TENM1: variants seen among roughly 807,000 people sequenced by gnomAD.
TENM1 encodes the protein teneurin transmembrane protein 1.
Under a neutral mutation model 174.8 loss-of-function variants are expected in TENM1, and 35 were observed. That is an observed-to-expected ratio of 0.20 (90% CI 0.15 to 0.27). TENM1 has a LOEUF of 0.27. TENM1 is among the 10% of genes least tolerant of loss of function. TENM1 has a pLI of 1.00. For synonymous variants in TENM1, 781 were observed against 798.7 expected, an observed-to-expected ratio of 0.98 and a Z score of 0.37; for missense variants, 1,633 against 2,130.1, an observed-to-expected ratio of 0.77 and a Z score of 4.59.
At chrX:124,778,842 A>C (rs1442955517) in intron 3 of TENM1, among the ~76,000 whole-genome samples, 1 of 112,316 alleles carries the variant, frequency 8.9e-6, no homozygotes, top group East Asian at 2.8e-4. Flanking sequence ...TTACTGCTTT[A>C]TTTGAACTTG....
At chrX:124,463,802 T>C (rs1247661176) in intron 22 of TENM1, among the ~76,000 whole-genome samples, 1 of 108,207 alleles carries the variant, frequency 9.2e-6, no homozygotes, top group Non-Finnish European at 1.9e-5. Flanking sequence ...CTGATAATAA[T>C]GTGATTTATT....
chrX:124,527,817 T>G (rs778586030), intron 16 of TENM1, among the ~76,000 whole-genome samples: 3 of 103,289 alleles, frequency 2.9e-5, no homozygotes, highest in Admixed American at 2.1e-4. Flanking sequence ...CCCAGCTATT[T>G]TTTTTTTTTT....
chrX:124,940,634 C>T (rs778022046), intron 1 of TENM1, among the ~76,000 whole-genome samples: 1 of 111,010 alleles, frequency 9.0e-6, no homozygotes, highest in Non-Finnish European at 1.9e-5. Context: ...TTTTTTCTGT[C>T]TCATTGTTCA....
intron 1 of TENM1, among the ~76,000 whole-genome samples, chrX:124,920,535 T>C (rs1319027205): frequency 9.0e-6 from 1 of 111,647 alleles, no homozygotes; most frequent in Non-Finnish European, 1.9e-5. Flanking sequence ...GATAAATTCC[T>C]GAAAGTCTGA....
chrX:124,865,757 C>T (rs2056989728), intron 3 of TENM1, among the ~76,000 whole-genome samples: 1 of 110,641 alleles, frequency 9.0e-6, no homozygotes, highest in Non-Finnish European at 1.9e-5. Context: ...CTGTTGCCTA[C>T]AATAAAAACA....
chrX:124,605,063 C>G (rs1211569867), intron 11 of TENM1, among the ~76,000 whole-genome samples: 1 of 106,123 alleles, frequency 9.4e-6, no homozygotes, highest in Non-Finnish European at 1.9e-5. Flanking sequence ...CAAAAAAGCC[C>G]CAAGAACAGT....
intron 21 of TENM1, among the ~76,000 whole-genome samples, chrX:124,483,043 C>T (rs1180039734): frequency 8.9e-6 from 1 of 112,004 alleles, no homozygotes; most frequent in Non-Finnish European, 1.9e-5. Flanking sequence ...TTCTATAGAT[C>T]GATATGTAGG....
the TENM1 span, among the ~76,000 whole-genome samples, chrX:124,972,113 A>G: frequency 1.8e-5 from 2 of 109,295 alleles, no homozygotes; most frequent in Non-Finnish European, 3.8e-5. Flanking sequence ...GGCTCCTGTA[A>G]TCCCAGCTAT....
intron 3 of TENM1, among the ~76,000 whole-genome samples, chrX:124,754,106 T>C (rs968852668): frequency 3.6e-5 from 4 of 111,570 alleles, no homozygotes; most frequent in Non-Finnish European, 3.8e-5. Flanking sequence ...CGGCTGTGAA[T>C]CCATCTGGTC....
At chrX:125,185,830 T>G in the TENM1 span, among the ~76,000 whole-genome samples, 5 of 112,252 alleles carry the variant, frequency 4.5e-5, no homozygotes, top group Admixed American at 9.4e-5. Context: ...AGATGAGGGT[T>G]GTGAATATAA....
chrX:124,896,311 T>G, intron 1 of TENM1, 70 bp from the exon 5 acceptor site: 1 of 1,090,724 alleles, frequency 9.2e-7, no homozygotes, highest in Admixed American at 2.5e-5. Flanking sequence ...TTCTACTTTT[T>G]GTTCTCATTC....
chrX:125,046,356 G>C, the TENM1 span, among the ~76,000 whole-genome samples: 2 of 112,313 alleles, frequency 1.8e-5, no homozygotes, highest in African/African-American at 6.5e-5. Flanking sequence ...GCTTGCCAAA[G>C]AAAGTATGTG....
chrX:125,123,595 T>G, the TENM1 span, among the ~76,000 whole-genome samples: 1 of 110,568 alleles, frequency 9.0e-6, no homozygotes, highest in Admixed American at 9.7e-5. Flanking sequence ...GGTGACAGAG[T>G]GAGACCCTGT....
At chrX:125,107,118 G>C in the TENM1 span, among the ~76,000 whole-genome samples, 1 of 111,899 alleles carries the variant, frequency 8.9e-6, no homozygotes, top group Non-Finnish European at 1.9e-5. Flanking sequence ...TGCGTGGTTG[G>C]ATATACTAAT....
the TENM1 span, among the ~76,000 whole-genome samples, chrX:125,162,934 C>T: frequency 9.0e-6 from 1 of 111,192 alleles, no homozygotes; most frequent in Non-Finnish European, 1.9e-5. Flanking sequence ...TAATAGCACC[C>T]ACACTCTCAG....
chrX:124,433,724 C>G (rs766509614), intron 23 of TENM1, among the ~76,000 whole-genome samples: 2 of 112,280 alleles, frequency 1.8e-5, no homozygotes, highest in South Asian at 7.4e-4. Flanking sequence ...AACTATTTCT[C>G]ATCAACATGT....
intron 15 of TENM1, among the ~76,000 whole-genome samples, chrX:124,545,170 C>A (rs1268410914): frequency 9.0e-6 from 1 of 111,590 alleles, no homozygotes; most frequent in Admixed American, 9.5e-5. Context: ...TGAAGGAGAC[C>A]CATCGTTCTG....
intron 23 of TENM1, among the ~76,000 whole-genome samples, chrX:124,434,242 G>A (rs1046945684): frequency 1.8e-5 from 2 of 111,421 alleles, no homozygotes; most frequent in African/African-American, 3.3e-5. Context: ...ATGCAAATGG[G>A]TCCTGAGACC....
the TENM1 span, among the ~76,000 whole-genome samples, chrX:125,176,735 T>C: frequency 8.9e-6 from 1 of 111,852 alleles, no homozygotes; most frequent in Non-Finnish European, 1.9e-5. Flanking sequence ...AATGACAAAA[T>C]GACTTACAAA....
Sources: allele counts gnomAD v4.1 joint callset (sites outside exome capture counted in the v4.1 genomes callset), GRCh38; gene constraint gnomAD v4.1.1; transcripts MANE v1.5; gene names NCBI Gene and HGNC (gene_info 2026-07-23, HGNC 2026-07-21).